The following ZNF525 variants were observed in gnomAD, a reference collection of about 807,000 sequenced individuals.
ZNF525 encodes zinc finger protein 525.
In ZNF525, 33 loss-of-function variants were observed where a neutral mutation model predicts 37.6. The ratio of observed to expected loss-of-function variants is 0.88; its 90% CI spans 0.67 to 1.17. The LOEUF is 1.17. Ranked by LOEUF, ZNF525 falls within the 50% of genes most tolerant of loss-of-function variation. ZNF525 has a pLI of 0.00. For missense variants in ZNF525, 449 were observed against 543.1 expected (o/e 0.83, Z 1.72); for synonymous variants, 170 against 182.3 (o/e 0.93, Z 0.54).
rs2085580674 is a variant in ZNF525 at position 53,383,237 on chromosome 19, A to G, written c.*1218A>G. ...AATTCACACTGGGGAGAAACCTTACAAGTGTAATGAGTGTGGCAAAACCTT... is the reference window on the plus strand; with the variant it reads ...AATTCACACTGGGGAGAAACCTTACGAGTGTAATGAGTGTGGCAAAACCTT... On this transcript the variant is annotated 3_prime_UTR_variant, in exon 4 of 4. Transcript: ENST00000474037. The G allele has an allele frequency of 7.7e-6, 11 of 1,431,448 alleles. No individual in the cohort carries two copies. The South Asian group carries it at 7.9e-5, about 10-fold the overall frequency. The allele number at this position is 1,431,448 out of a possible 1,614,324, so 88.7% of individuals were successfully genotyped here.
chr19:53,383,440 A>G lies in ZNF525; in HGVS notation c.*1421A>G, dbSNP rs1368469829. On this transcript the variant is annotated 3_prime_UTR_variant, in exon 4 of 4. Coordinates refer to ENST00000474037, the MANE Select transcript of ZNF525 (RefSeq NM_001348156.2). ...GACAAAGTTTACAGTCGCAAATCAA[A>G]CCTCGAAAGACAGGAGAATTCATAC... 9.7e-7 allele frequency: 1 copy of G among 1,027,232 alleles called. No individual in the cohort carries two copies. Among genetic ancestry groups the G allele is most frequent in the Non-Finnish European group, 1.4e-6 (1 of 689,674 alleles). The allele number at this position is 1,027,232 out of a possible 1,614,324, so 63.6% of individuals were successfully genotyped here.
At chr19:53,370,000 A>G (rs1255308640) in intron 1 of ZNF525, among the ~76,000 whole-genome samples, 1 of 150,782 alleles carries the variant, frequency 6.6e-6, no homozygotes, top group Admixed American at 6.6e-5. Flanking sequence ...CTGGGATTAC[A>G]GGCGTGAGCC....
chr19:53,368,721 G>A (rs1256375692), intron 1 of ZNF525, among the ~76,000 whole-genome samples: 1 of 152,160 alleles, frequency 6.6e-6, no homozygotes, highest in African/African-American at 2.4e-5. Flanking sequence ...GGCCAGAAGG[G>A]TCGGGGTTCC....
chr19:53,379,700 TA>T (rs1173999343), intron 3 of ZNF525, among the ~76,000 whole-genome samples: 1 of 152,244 alleles, frequency 6.6e-6, no homozygotes, highest in Non-Finnish European at 1.5e-5. Context: ...CACAGTTTAC[TA>T]GTTAATGTCA....
Position 53,383,825 on chromosome 19 carries a change from A to G in ZNF525, c.*1806A>G. ...TGCTGGAGAGAAATCTTACAATGTC[A>G]TGATTGTGGCAAGGTCTTCAGTCAA... On this transcript the variant is annotated 3_prime_UTR_variant, in exon 4 of 4. Coordinates refer to ENST00000474037, the MANE Select transcript of ZNF525 (RefSeq NM_001348156.2). 3.7e-6 allele frequency: 2 copies of G among 547,770 alleles called. No homozygotes were observed. The highest frequency in any genetic ancestry group is 2.4e-5 in the Admixed American group (1 of 41,890). The allele number at this position is 547,770 out of a possible 1,614,324, so 33.9% of individuals were successfully genotyped here.
intron 3 of ZNF525, among the ~76,000 whole-genome samples, chr19:53,376,950 C>T (rs556169204): frequency 6.6e-6 from 1 of 152,270 alleles, no homozygotes; most frequent in East Asian, 1.9e-4. Flanking sequence ...GCCTGGGCAA[C>T]ACAGTGAGAC....
chr19:53,377,231 G>A (rs941334589), intron 3 of ZNF525, among the ~76,000 whole-genome samples: 14 of 152,194 alleles, frequency 9.2e-5, no homozygotes, highest in African/African-American at 3.1e-4. Flanking sequence ...ATGCTAGAGT[G>A]CAATGGCACA....
intron 1 of ZNF525, among the ~76,000 whole-genome samples, chr19:53,370,013 C>T (rs559748890): frequency 1.3e-4 from 20 of 151,206 alleles, no homozygotes; most frequent in South Asian, 8.4e-4. Flanking sequence ...CGTGAGCCAC[C>T]GCGCCCGGCC....
rs2085608417 is a variant in ZNF525 at position 53,386,488 on chromosome 19, A to G, written c.*4469A>G. 2.1e-5 allele frequency: 13 copies of G among 624,174 alleles called. No individual in the cohort carries two copies. Among genetic ancestry groups the G allele is most frequent in the Non-Finnish European group, 2.9e-6 (1 of 342,838 alleles). 38.7% of individuals were successfully genotyped at this position (624,174 alleles called of 1,614,324 possible). A position where few individuals can be genotyped will look rare whatever the true frequency, so the allele number is the denominator to read the frequency against. ...ATGTCACCACTATCTGGACAGTTGGACATGTTTTATTGGGAATATGTTTTT... is the reference window on the plus strand; with the variant it reads ...ATGTCACCACTATCTGGACAGTTGGGCATGTTTTATTGGGAATATGTTTTT... On this transcript the variant is annotated 3_prime_UTR_variant, in exon 4 of 4. Coordinates refer to ENST00000474037, the MANE Select transcript of ZNF525 (RefSeq NM_001348156.2).
intron 1 of ZNF525, among the ~76,000 whole-genome samples, chr19:53,366,749 C>A (rs8107503): frequency 3.8e-4 from 56 of 146,068 alleles, no homozygotes; most frequent in Non-Finnish European, 7.0e-4. Flanking sequence ...AGAGGGAGAA[C>A]CACAGCAGGG....
At chr19:53,366,064 G>A (rs1419214063) in intron 1 of ZNF525, among the ~76,000 whole-genome samples, 1 of 152,200 alleles carries the variant, frequency 6.6e-6, no homozygotes, top group African/African-American at 2.4e-5. Flanking sequence ...CCTCACCCGA[G>A]AGGTGAATTC....
At chr19:53,375,631 A>G in intron 2 of ZNF525, 139 bp from the exon 3 acceptor site, 13 of 1,593,896 alleles carry the variant, frequency 8.2e-6, no homozygotes, top group East Asian at 2.2e-5. Context: ...GACAAAATGC[A>G]GTGAAAAACC....
intron 2 of ZNF525, among the ~76,000 whole-genome samples, chr19:53,372,851 CTTTAT>C (rs1437852224): frequency 1.3e-5 from 2 of 152,108 alleles, no homozygotes; most frequent in Admixed American, 1.3e-4. Flanking sequence ...TTGATTCCAT[CTTTAT>C]TTTAAGAATA....
At chr19:53,380,343 C>T (rs1295823683) in intron 3 of ZNF525, among the ~76,000 whole-genome samples, 1 of 152,104 alleles carries the variant, frequency 6.6e-6, no homozygotes, top group Non-Finnish European at 1.5e-5. Flanking sequence ...CTTACATGAG[C>T]TTGCTGTGGA....
Position 53,382,410 on chromosome 19 carries a change from G to C in ZNF525, c.*391G>C. Reference sequence around the variant, plus strand: ...TGGAGAGAAACCGTACAAGTGTAATGAGTGTGGCAAGACCTTCAGTCAGAA... The same window carrying C: ...TGGAGAGAAACCGTACAAGTGTAATCAGTGTGGCAAGACCTTCAGTCAGAA... On this transcript the variant is annotated 3_prime_UTR_variant, in exon 4 of 4. Transcript: ENST00000474037. 1.1e-6 allele frequency: 1 copy of C among 951,702 alleles called. No individual in the cohort carries two copies. Among genetic ancestry groups the C allele is most frequent in the Non-Finnish European group, 1.7e-6 (1 of 585,358 alleles). 59.0% of individuals were successfully genotyped at this position (951,702 alleles called of 1,614,324 possible).
Position 53,383,351 on chromosome 19 carries a change from A to G in ZNF525, c.*1332A>G. The G allele has an allele frequency of 4.0e-6, 5 of 1,253,086 alleles. No homozygotes were observed. The highest frequency in any genetic ancestry group is 5.6e-6 in the Non-Finnish European group (5 of 890,342). The allele number at this position is 1,253,086 out of a possible 1,614,324, so 77.6% of individuals were successfully genotyped here. On this transcript the variant is annotated 3_prime_UTR_variant, in exon 4 of 4. Coordinates refer to ENST00000474037, the MANE Select transcript of ZNF525 (RefSeq NM_001348156.2). ...AATGTGGCGAGGTTTTCAATCAACA[A>G]GCACACGTTGCACGTCATCATAGAA...
At chr19:53,370,661 A>G (rs2085481488) in intron 1 of ZNF525, among the ~76,000 whole-genome samples, 1 of 151,096 alleles carries the variant, frequency 6.6e-6, no homozygotes, top group Admixed American at 6.6e-5. Flanking sequence ...AGAATTTTAA[A>G]TGGGATGCAG....
chr19:53,382,482 T>C lies in ZNF525; in HGVS notation c.*463T>C, dbSNP rs2085574176. 1 of 718,332 alleles carries C rather than the reference T, an allele frequency of 1.4e-6. No homozygotes were observed. Among genetic ancestry groups the C allele is most frequent in the Non-Finnish European group, 2.5e-6 (1 of 392,626 alleles). 44.5% of individuals were successfully genotyped at this position (718,332 alleles called of 1,614,324 possible). Reference sequence around the variant, plus strand: ...TAGACTTCATACTGGAAATAAATCTTATAAGTGTAATGAGTGTGGCAAGAC... The same window carrying C: ...TAGACTTCATACTGGAAATAAATCTCATAAGTGTAATGAGTGTGGCAAGAC... On this transcript the variant is annotated 3_prime_UTR_variant, in exon 4 of 4. Coordinates refer to ENST00000474037, the MANE Select transcript of ZNF525 (RefSeq NM_001348156.2).
chr19:53,375,995 T>G, intron 3 of ZNF525, 99 bp downstream of exon 3: 1 of 1,590,456 alleles, frequency 6.3e-7, no homozygotes, highest in South Asian at 1.1e-5. Context: ...TCCCCAAGGG[T>G]GGGGTGCAAT....
Sources: gnomAD v4.1 joint callset for allele counts (sites outside exome capture counted in the v4.1 genomes callset) on GRCh38, gnomAD v4.1.1 for gene constraint, MANE v1.5 for transcripts, NCBI Gene and HGNC (gene_info 2026-07-23, HGNC 2026-07-21) for gene names.